GALNT13: variants seen among roughly 807,000 people sequenced by gnomAD.
GALNT13 encodes the protein UDP-GalNAc:polypeptide N-acetylgalactosaminyltransferase 13.
Under a neutral mutation model 64.2 loss-of-function variants are expected in GALNT13, and 28 were observed. That is an observed-to-expected ratio of 0.44 (90% CI 0.32 to 0.60). GALNT13 has a LOEUF of 0.60. Among genes scored for constraint, GALNT13 ranks in the 20% least tolerant of loss-of-function variants. The pLI is 0.05. For missense variants in GALNT13, 577 were observed against 669.8 expected (o/e 0.86, Z 1.53); for synonymous variants, 214 against 224.6 (o/e 0.95, Z 0.42).
At chr2:153,611,777 T>G in the GALNT13 span, among the ~76,000 whole-genome samples, 1 of 150,790 alleles carries the variant, frequency 6.6e-6, no homozygotes, top group Non-Finnish European at 1.5e-5. Flanking sequence ...CCATGGTGGT[T>G]TACTGCACCT....
At chr2:153,803,576 C>T in the GALNT13 span, among the ~76,000 whole-genome samples, 5 of 151,686 alleles carry the variant, frequency 3.3e-5, no homozygotes, top group East Asian at 7.8e-4. Context: ...CCTGTAGTCC[C>T]AGCTACTCGG....
the GALNT13 span, among the ~76,000 whole-genome samples, chr2:153,713,694 G>A: frequency 6.6e-6 from 1 of 152,162 alleles, no homozygotes; most frequent in Non-Finnish European, 1.5e-5. Context: ...ATGTTGGCTA[G>A]GCCAGTCTTG....
At chr2:154,327,102 C>T (rs1694913711) in intron 9 of GALNT13, among the ~76,000 whole-genome samples, 1 of 152,016 alleles carries the variant, frequency 6.6e-6, no homozygotes, top group South Asian at 2.1e-4. Context: ...CAGTTTCCCC[C>T]ATGCTGTTCT....
intron 12 of GALNT13, chr2:154,446,822 T>G (rs1000624930): frequency 7.0e-7 from 1 of 1,422,798 alleles, no homozygotes; most frequent in African/African-American, 1.4e-5. Flanking sequence ...GTTCAGTTAT[T>G]GAAATCTGGA....
chr2:153,275,815 T>C, the GALNT13 span, among the ~76,000 whole-genome samples: 4 of 152,070 alleles, frequency 2.6e-5, no homozygotes, highest in Non-Finnish European at 4.4e-5. Flanking sequence ...TTACAAGAAG[T>C]AGAGCTTAAG....
chr2:154,441,360 G>A (rs572756109), intron 12 of GALNT13, among the ~76,000 whole-genome samples: 9 of 152,182 alleles, frequency 5.9e-5, no homozygotes, highest in East Asian at 5.8e-4. Context: ...AAGTAAATGC[G>A]CACTGCTTAC....
At chr2:154,162,484 A>G (rs979002922) in intron 4 of GALNT13, among the ~76,000 whole-genome samples, 2 of 152,194 alleles carry the variant, frequency 1.3e-5, no homozygotes, top group African/African-American at 4.8e-5. Context: ...TGTACATGAG[A>G]TACACATGTT....
chr2:154,126,778 T>G (rs1457382425), intron 3 of GALNT13, among the ~76,000 whole-genome samples: 1 of 152,230 alleles, frequency 6.6e-6, no homozygotes. Flanking sequence ...CAAGGTAATG[T>G]GGGCTTAACA....
At chr2:153,287,911 AG>A in the GALNT13 span, among the ~76,000 whole-genome samples, 1 of 152,112 alleles carries the variant, frequency 6.6e-6, no homozygotes, top group Non-Finnish European at 1.5e-5. Context: ...AGCCCTCACC[AG>A]GGACCCCACC....
At chr2:154,201,446 C>T (rs1425979331) in intron 4 of GALNT13, among the ~76,000 whole-genome samples, 1 of 152,070 alleles carries the variant, frequency 6.6e-6, no homozygotes, top group African/African-American at 2.4e-5. Flanking sequence ...TGTCTTATAC[C>T]TATTAGCAAT....
the GALNT13 span, among the ~76,000 whole-genome samples, chr2:153,268,009 G>A: frequency 1.3e-5 from 2 of 152,122 alleles, no homozygotes; most frequent in African/African-American, 4.8e-5. Flanking sequence ...TAGGGACACA[G>A]AGCCAAACCA....
intron 3 of GALNT13, among the ~76,000 whole-genome samples, chr2:154,008,519 T>C (rs1696411397): frequency 6.6e-6 from 1 of 152,092 alleles, no homozygotes; most frequent in African/African-American, 2.4e-5. Context: ...TAATACAGAT[T>C]ATTTAATCAC....
intron 4 of GALNT13, among the ~76,000 whole-genome samples, chr2:154,209,508 TTG>T (rs1687651835): frequency 6.6e-6 from 1 of 152,194 alleles, no homozygotes; most frequent in Non-Finnish European, 1.5e-5. Context: ...CTGCTAATGA[TTG>T]TGTCTTCTAA....
Position 154,172,668 on chromosome 2 carries a change from G to C in GALNT13, c.311+32163G>C, listed in dbSNP as rs74764657. Among the ~76,000 whole-genome samples the C allele has an allele frequency of 3.0e-4, 41 of 136,586 alleles. 1 individual carries two copies. Among genetic ancestry groups the C allele is most frequent in the African/African-American group, 8.9e-4 (34 of 38,400 alleles). The allele number at this position is 136,586 out of a possible 152,430, so 89.6% of individuals were successfully genotyped here. A position where few individuals can be genotyped will look rare whatever the true frequency, so the allele number is the denominator to read the frequency against. On this transcript the variant is annotated intron_variant, in intron 4 of 12. Transcript: ENST00000392825. ...TATTCTAGAGTGTGTGTGTGTGTGT[G>C]TATGCGCATACATACAGAGCACATT...
At chr2:153,808,645 C>T in the GALNT13 span, among the ~76,000 whole-genome samples, 2 of 152,140 alleles carry the variant, frequency 1.3e-5, no homozygotes, top group Non-Finnish European at 2.9e-5. Context: ...CTACTCTGAC[C>T]ACTACATGCT....
intron 9 of GALNT13, among the ~76,000 whole-genome samples, chr2:154,363,535 A>G (rs1315250049): frequency 6.6e-6 from 1 of 152,176 alleles, no homozygotes; most frequent in Non-Finnish European, 1.5e-5. Flanking sequence ...ACTCTGACCC[A>G]TTATGGTGAT....
At chr2:153,846,499 G>A in the GALNT13 span, among the ~76,000 whole-genome samples, 1 of 151,970 alleles carries the variant, frequency 6.6e-6, no homozygotes, top group African/African-American at 2.4e-5. Flanking sequence ...AACAAGTTGG[G>A]GGACTTAGGA....
At chr2:153,351,784 CTTGAT>C in the GALNT13 span, among the ~76,000 whole-genome samples, 2 of 152,134 alleles carry the variant, frequency 1.3e-5, no homozygotes, top group African/African-American at 4.8e-5. Context: ...CTTTTCATGG[CTTGAT>C]AGGTCATTCC....
At chr2:153,205,856 T>G in the GALNT13 span, among the ~76,000 whole-genome samples, 1 of 152,112 alleles carries the variant, frequency 6.6e-6, no homozygotes, top group Non-Finnish European at 1.5e-5. Context: ...TAGGACTAAC[T>G]AAATTTACAC....
Sources: gnomAD v4.1 joint callset for allele counts (sites outside exome capture counted in the v4.1 genomes callset) on GRCh38, gnomAD v4.1.1 for gene constraint, MANE v1.5 for transcripts, NCBI Gene and HGNC (gene_info 2026-07-23, HGNC 2026-07-21) for gene names.